GPM6A: variants seen among roughly 807,000 people sequenced by gnomAD.
GPM6A encodes neuronal membrane glycoprotein M6-a.
GPM6A carries 7 observed loss-of-function variants against 32.1 expected under a neutral mutation model. The ratio of observed to expected loss-of-function variants is 0.22; its 90% confidence interval spans 0.12 to 0.41. The LOEUF is 0.41. Among genes scored for constraint, GPM6A ranks in the 10% least tolerant of loss-of-function variants. The pLI, the probability that GPM6A is intolerant of heterozygous loss-of-function variation, is 1.00. For synonymous variants in GPM6A, 130 were observed against 123.4 expected, an observed-to-expected ratio of 1.05 and a Z score of -0.35; for missense variants, 235 against 347.2, an observed-to-expected ratio of 0.68 and a Z score of 2.57.
intron 4 of GPM6A, among the ~76,000 whole-genome samples, chr4:175,651,021 T>A (rs963027332): frequency 6.6e-6 from 1 of 152,110 alleles, no homozygotes; most frequent in African/African-American, 2.4e-5. Context: ...TCCAGCTCAG[T>A]ACTAAGTTTT....
chr4:175,774,262 C>A (rs1469336166), intron 1 of GPM6A, among the ~76,000 whole-genome samples: 1 of 151,936 alleles, frequency 6.6e-6, no homozygotes, highest in Non-Finnish European at 1.5e-5. Context: ...TTCTTTCTTC[C>A]GAACCAAAGG....
At chr4:175,968,874 A>T (rs1317668594) in intron 1 of GPM6A, among the ~76,000 whole-genome samples, 1 of 152,246 alleles carries the variant, frequency 6.6e-6, no homozygotes, top group Non-Finnish European at 1.5e-5. Context: ...ACAGTTTGGC[A>T]GTATTTTATA....
chr4:175,905,721 T>C (rs952271181), intron 1 of GPM6A, among the ~76,000 whole-genome samples: 5 of 152,164 alleles, frequency 3.3e-5, no homozygotes, highest in Admixed American at 2.0e-4. Flanking sequence ...CCTTTCAGTA[T>C]ATATTTTCTA....
At chr4:175,930,189 C>T (rs550674370) in intron 1 of GPM6A, among the ~76,000 whole-genome samples, 12 of 152,174 alleles carry the variant, frequency 7.9e-5, no homozygotes, top group African/African-American at 2.4e-4. Flanking sequence ...AACAAGGCAT[C>T]TTCTTTCGTT....
chr4:175,960,181 T>C (rs1429546222), intron 1 of GPM6A, among the ~76,000 whole-genome samples: 2 of 152,226 alleles, frequency 1.3e-5, no homozygotes, highest in Non-Finnish European at 1.5e-5. Context: ...TTGGGACCAA[T>C]GTGTTTGAAT....
At chr4:175,715,836 C>T (rs540707073) in intron 1 of GPM6A, among the ~76,000 whole-genome samples, 11 of 152,006 alleles carry the variant, frequency 7.2e-5, no homozygotes, top group South Asian at 4.2e-4. Flanking sequence ...GAGGCCAAGG[C>T]GGGCAGATAA....
chr4:176,000,104 C>T (rs1181488928), intron 1 of GPM6A, among the ~76,000 whole-genome samples: 1 of 152,162 alleles, frequency 6.6e-6, no homozygotes, highest in Non-Finnish European at 1.5e-5. Context: ...CTGCTACAGG[C>T]CTGCTCTTTT....
Position 175,889,225 on chromosome 4 carries a change from A to G in GPM6A, c.-22-76976T>C, listed in dbSNP as rs1442128787. ...AGAATAATTTTGTCATTAGAATAGA[A>G]TAGTATTTTTAAGCGACAAATAATA... On this transcript the variant is annotated intron_variant, in intron 1 of 7. Coordinates refer to the GPM6A transcript ENST00000280187. Among the ~76,000 whole-genome samples, 4 of 152,228 alleles carry G rather than the reference A, an allele frequency of 2.6e-5. No individual in the cohort carries two copies. In the South Asian group the frequency reaches 6.2e-4, roughly 24 times the overall value.
At chr4:175,746,458 T>C (rs921386188) in intron 1 of GPM6A, among the ~76,000 whole-genome samples, 5 of 152,210 alleles carry the variant, frequency 3.3e-5, no homozygotes, top group African/African-American at 1.2e-4. Flanking sequence ...TTGTGTGTTC[T>C]CTTAAAAGAC....
intron 1 of GPM6A, among the ~76,000 whole-genome samples, chr4:175,917,418 G>T (rs1467270648): frequency 6.6e-6 from 1 of 152,060 alleles, no homozygotes; most frequent in Non-Finnish European, 1.5e-5. Flanking sequence ...TGCAAGAAAA[G>T]GAATATTAGC....
upstream of GPM6A, among the ~76,000 whole-genome samples, chr4:175,816,984 C>A (rs535096296): frequency 6.6e-6 from 1 of 152,074 alleles, no homozygotes; most frequent in African/African-American, 2.4e-5. Context: ...CTCAGCCTCC[C>A]GAGGAGCTGG....
At chr4:175,785,115 A>T (rs573217144) in intron 1 of GPM6A, among the ~76,000 whole-genome samples, 2 of 152,318 alleles carry the variant, frequency 1.3e-5, no homozygotes, top group Non-Finnish European at 2.9e-5. Context: ...AAGCTAGATC[A>T]TAAGAAACCT....
intron 3 of GPM6A, among the ~76,000 whole-genome samples, chr4:175,661,588 A>AT (rs1357744521): frequency 2.0e-5 from 3 of 152,216 alleles, no homozygotes; most frequent in Non-Finnish European, 4.4e-5. Flanking sequence ...CTAAACCAGC[A>AT]TGTGAGTTTT....
At chr4:175,792,468 C>CCCTGGTAATA (rs1734051071) in intron 1 of GPM6A, among the ~76,000 whole-genome samples, 1 of 151,872 alleles carries the variant, frequency 6.6e-6, no homozygotes, top group South Asian at 2.1e-4. Context: ...TTTTTTACTG[C>CCCTGGTAATA]CCTGGTAATA....
chr4:175,933,691 C>T lies in GPM6A; in HGVS notation c.-23+68618G>A, dbSNP rs576190874. The stretch of plus-strand genomic sequence containing the variant: ...CCGAATAGCTGGGACTACAGGTGCC[C>T]GCCACCATGCCCGGCTAATTTTTTT... On this transcript the variant is annotated intron_variant, in intron 1 of 7. Transcript: ENST00000280187. Among the ~76,000 whole-genome samples the T allele has an allele frequency of 2.2e-3, 338 of 152,200 alleles. 1 individual carries two copies. The highest frequency in any genetic ancestry group is 3.3e-3 in the Non-Finnish European group (222 of 68,002).
intron 1 of GPM6A, among the ~76,000 whole-genome samples, chr4:175,880,697 T>C (rs1392188667): frequency 2.0e-5 from 3 of 152,174 alleles, no homozygotes; most frequent in South Asian, 2.1e-4. Flanking sequence ...TTGTCTGTTA[T>C]TGGTGTATAA....
chr4:175,827,600 C>A (rs1441535154), intron 1 of GPM6A, among the ~76,000 whole-genome samples: 2 of 152,190 alleles, frequency 1.3e-5, no homozygotes, highest in African/African-American at 4.8e-5. Flanking sequence ...ATTCAACAGG[C>A]TTAGAGAACA....
chr4:175,981,941 T>A (rs900378416), intron 1 of GPM6A, among the ~76,000 whole-genome samples: 5 of 151,914 alleles, frequency 3.3e-5, no homozygotes, highest in African/African-American at 4.8e-5. Flanking sequence ...TTTCCTTTTT[T>A]AAAAAAAACT....
chr4:175,970,127 A>T (rs1214606964), intron 1 of GPM6A, among the ~76,000 whole-genome samples: 1 of 152,214 alleles, frequency 6.6e-6, no homozygotes. Context: ...CTACTGAAAA[A>T]TATTTGGCAA....
Sources: allele counts gnomAD v4.1 joint callset (sites outside exome capture counted in the v4.1 genomes callset), GRCh38; gene constraint gnomAD v4.1.1; transcripts MANE v1.5; gene names NCBI Gene and HGNC (gene_info 2026-07-23, HGNC 2026-07-21).